The following TACC2 variants were observed in gnomAD, a reference collection of about 807,000 sequenced individuals.
TACC2 encodes the protein transforming acidic coiled-coil containing protein 2, also known as transforming acidic coiled-coil-containing protein 2.
Under a neutral mutation model 227.3 loss-of-function variants are expected in TACC2, and 137 were observed. That is an observed-to-expected ratio of 0.60 (90% CI 0.52 to 0.69). The LOEUF (loss-of-function observed/expected upper bound fraction) is 0.69, where lower values mean the gene tolerates loss of function less well. Ranked by LOEUF, TACC2 falls within the 30% of genes least tolerant of loss-of-function variation. The pLI, the probability that TACC2 is intolerant of heterozygous loss-of-function variation, is 0.00. For synonymous variants in TACC2, 1,523 were observed against 1,487.5 expected (o/e 1.02, Z -0.55); for missense variants, 3,470 against 3,694.4 (o/e 0.94, Z 1.57).
chr10:122,249,032 TC>T lies in TACC2; in HGVS notation c.8554-17del. The T allele has an allele frequency of 1.2e-6, 2 of 1,606,628 alleles. No homozygotes were observed. The highest frequency in any genetic ancestry group is 2.2e-5 in the South Asian group (2 of 89,782). Reference sequence around the variant, plus strand: ...GTTCTCGTGGGCTTGACGCCTGTCCTCTGCCCTGCTGTGTCAGAATGAAGAG... The same window carrying T: ...GTTCTCGTGGGCTTGACGCCTGTCCTTGCCCTGCTGTGTCAGAATGAAGAG... On this transcript the variant is annotated splice_polypyrimidine_tract_variant and intron_variant, in intron 20 of 22. Transcript: ENST00000369005.
chr10:122,099,174 G>T (rs1346798915), intron 5 of TACC2, among the ~76,000 whole-genome samples: 3 of 152,220 alleles, frequency 2.0e-5, no homozygotes, highest in Non-Finnish European at 4.4e-5. Flanking sequence ...ATCTGGCCCT[G>T]CCTGCCAGAC....
intron 2 of TACC2, among the ~76,000 whole-genome samples, chr10:122,040,289 C>G (rs1565136560): frequency 6.6e-6 from 1 of 152,140 alleles, no homozygotes; most frequent in Non-Finnish European, 1.5e-5. Context: ...CCGGGAGTGT[C>G]AGGGTCCTGG....
intron 3 of TACC2, among the ~76,000 whole-genome samples, chr10:122,058,824 A>G (rs1183732945): frequency 6.6e-6 from 1 of 151,934 alleles, no homozygotes; most frequent in Non-Finnish European, 1.5e-5. Context: ...AAGATCCAAC[A>G]TTAAACACTG....
At chr10:122,133,846 C>G (rs182121538) in intron 6 of TACC2, among the ~76,000 whole-genome samples, 2 of 152,340 alleles carry the variant, frequency 1.3e-5, no homozygotes, top group East Asian at 3.9e-4. Flanking sequence ...GAGGGAGGAA[C>G]TGGTCACCTG....
Position 122,083,220 on chromosome 10 carries a change from G to A in TACC2, c.720G>A (p.Arg240=). Reference sequence around the variant, plus strand: ...GTGGCTTTCCCCCTGCAGAGTCCAGGCAGGGGGTGGCTTCTGTGCAAGTGA... The same window carrying A: ...GTGGCTTTCCCCCTGCAGAGTCCAGACAGGGGGTGGCTTCTGTGCAAGTGA... ...AAGGFPPAES[R]QGVASVQVTP... Residue 240 remains arginine, a synonymous_variant, in exon 4 of 23, where the codon AGG becomes AGA. Transcript: ENST00000369005. The A allele has an allele frequency of 6.2e-7, 1 of 1,613,476 alleles. No individual in the cohort carries two copies. The highest frequency in any genetic ancestry group is 8.5e-7 in the Non-Finnish European group (1 of 1,179,972).
chr10:122,131,177 CAAAAA>C (rs10572276), intron 5 of TACC2, among the ~76,000 whole-genome samples: 2 of 95,272 alleles, frequency 2.1e-5, no homozygotes, highest in Non-Finnish European at 2.2e-5. Flanking sequence ...GACGCTTTCT[CAAAAA>C]AAAAAAAAAA....
At chr10:122,220,312 T>C (rs1470194552) in intron 11 of TACC2, among the ~76,000 whole-genome samples, 1 of 152,224 alleles carries the variant, frequency 6.6e-6, no homozygotes, top group African/African-American at 2.4e-5. Flanking sequence ...TGAACAAATA[T>C]GTAAATATAT....
chr10:122,178,778 G>T (rs955044100), intron 7 of TACC2, among the ~76,000 whole-genome samples: 9 of 152,164 alleles, frequency 5.9e-5, no homozygotes, highest in Non-Finnish European at 1.2e-4. Flanking sequence ...CTACTCGGAG[G>T]CTGAGGTGGG....
chr10:121,990,036 TTAATA>T (rs979330698), intron 1 of TACC2, among the ~76,000 whole-genome samples: 8 of 152,212 alleles, frequency 5.3e-5, no homozygotes, highest in Admixed American at 1.3e-4. Flanking sequence ...CTCCAGACCT[TTAATA>T]TTTTTTCATA....
At chr10:122,249,189 G>A (rs1336245285) in intron 21 of TACC2, 33 bp downstream of exon 21, 1 of 1,534,638 alleles carries the variant, frequency 6.5e-7, no homozygotes, top group Admixed American at 1.9e-5. Context: ...GGCTCCCAGG[G>A]GCCTCCCAGC....
intron 1 of TACC2, 136 bp downstream of exon 1, chr10:121,989,624 T>C (rs1475209875): frequency 6.6e-6 from 1 of 152,278 alleles, no homozygotes; most frequent in Non-Finnish European, 1.5e-5. Context: ...ACTGCCTGGC[T>C]GAGCCCAGCC....
intron 8 of TACC2, among the ~76,000 whole-genome samples, chr10:122,197,769 T>C (rs900439611): frequency 6.6e-6 from 1 of 152,222 alleles, no homozygotes; most frequent in African/African-American, 2.4e-5. Flanking sequence ...GAACTGTGTC[T>C]GCTGAAAGCC....
chr10:122,107,880 A>ATATATAT (rs1555034132), intron 5 of TACC2, among the ~76,000 whole-genome samples: 2 of 102,296 alleles, frequency 2.0e-5, no homozygotes, highest in Non-Finnish European at 3.7e-5. Context: ...ATATATATAT[A>ATATATAT]TTTTTTTTTT....
At chr10:122,126,343 T>TGTGTGTGTGTGTGTGTGTGG in intron 5 of TACC2, among the ~76,000 whole-genome samples, 1 of 151,632 alleles carries the variant, frequency 6.6e-6, no homozygotes, top group Non-Finnish European at 1.5e-5. Context: ...TGTGTGTGTG[T>TGTGTGTGTGTGTGTGTGTGG]GTGTTTGATG....
At chr10:122,005,410 T>C (rs2135186011) in intron 1 of TACC2, among the ~76,000 whole-genome samples, 1 of 143,316 alleles carries the variant, frequency 7.0e-6, no homozygotes, top group African/African-American at 2.6e-5. Flanking sequence ...AGACAGAGTC[T>C]TGCTCTGTCG....
intron 19 of TACC2, chr10:122,247,852 C>T (rs1168231554): frequency 6.6e-6 from 1 of 152,192 alleles, no homozygotes; most frequent in Non-Finnish European, 1.5e-5. Flanking sequence ...ATTAGTCACA[C>T]AGTATGGCCA....
chr10:122,132,504 G>GCGC, intron 5 of TACC2, 105 bp from the exon 6 acceptor site: 1 of 1,361,178 alleles, frequency 7.3e-7, no homozygotes, highest in Non-Finnish European at 1.0e-6. Flanking sequence ...AGCGGAGATC[G>GCGC]CGCCATTGCC....
intron 11 of TACC2, among the ~76,000 whole-genome samples, chr10:122,219,218 C>A (rs926693191): frequency 2.6e-5 from 4 of 151,764 alleles, no homozygotes; most frequent in East Asian, 1.9e-4. Flanking sequence ...CCCTTCCCCC[C>A]ACCCTCACTG....
chr10:122,185,195 T>C (rs575093663), intron 7 of TACC2, among the ~76,000 whole-genome samples: 1 of 151,274 alleles, frequency 6.6e-6, no homozygotes, highest in African/African-American at 2.4e-5. Flanking sequence ...TCTTTTTTTT[T>C]TTTTTTGAGA....
Sources: allele counts gnomAD v4.1 joint callset (sites outside exome capture counted in the v4.1 genomes callset), GRCh38; gene constraint gnomAD v4.1.1; transcripts MANE v1.5; gene names NCBI Gene and HGNC (gene_info 2026-07-23, HGNC 2026-07-21).